The following NTSR1 variants were observed in gnomAD, a reference collection of about 807,000 sequenced individuals.
The protein encoded by NTSR1 is neurotensin receptor type 1.
In NTSR1, 29 loss-of-function variants were observed where a neutral mutation model predicts 31.2. The observed-to-expected ratio is 0.93, with a 90% CI of 0.69 to 1.27. The LOEUF (loss-of-function observed/expected upper bound fraction) is 1.27. Ranked by LOEUF, NTSR1 falls within the 50% of genes most tolerant of loss-of-function variation. The probability of loss-of-function intolerance (pLI) is 0.00; values close to 1 mark genes in which losing one functional copy is unlikely to be tolerated. For synonymous variants in NTSR1, 282 were observed against 269.9 expected, an observed-to-expected ratio of 1.04 and a Z score of -0.44; for missense variants, 697 against 595.4, an observed-to-expected ratio of 1.17 and a Z score of -1.78.
At position 62,714,165 on chromosome 20, in the gene NTSR1, G is replaced by A. The variant is rs1988670191; in HGVS notation, c.714+4244G>A. ...AGCCTGCTCCACTCTGACCTCCCGTGAGGACGGGAAGGGGACCCACGCCAC... is the reference window on the plus strand; with the variant it reads ...AGCCTGCTCCACTCTGACCTCCCGTAAGGACGGGAAGGGGACCCACGCCAC... On this transcript the variant is annotated intron_variant, in intron 1 of 3. Transcript: ENST00000370501. The surrounding 1 kb of genome is among the most constrained non-coding windows in gnomAD (Gnocchi z 4.1). Among the ~76,000 whole-genome samples, 1 of 152,222 alleles carries A rather than the reference G, an allele frequency of 6.6e-6. No homozygotes were observed. Among genetic ancestry groups the A allele is most frequent in the Non-Finnish European group, 1.5e-5 (1 of 68,036 alleles).
chr20:62,746,622 T>C (rs1470433096), intron 1 of NTSR1, among the ~76,000 whole-genome samples: 4 of 152,200 alleles, frequency 2.6e-5, no homozygotes, highest in African/African-American at 9.7e-5. Flanking sequence ...AAAAGGATCA[T>C]AATAAACTGT....
In NTSR1 at chr20:62,710,169, C is replaced by T. The variant is rs191133900; in HGVS notation, c.714+248C>T. Among the ~76,000 whole-genome samples, 202 of 152,346 alleles carry T rather than the reference C, an allele frequency of 1.3e-3. 3 individuals carry two copies. Among genetic ancestry groups the T allele is most frequent in the African/African-American group, 4.6e-3 (192 of 41,580 alleles). On this transcript the variant is annotated intron_variant, in intron 1 of 3. Coordinates refer to ENST00000370501, the MANE Select transcript of NTSR1 (RefSeq NM_002531.3). Reference sequence around the variant, plus strand: ...CTCTCTGGTGTTGGTGGCTGGGCCTCGGACATCTCTGAATTCCTTAAGCCT... The same window carrying T: ...CTCTCTGGTGTTGGTGGCTGGGCCTTGGACATCTCTGAATTCCTTAAGCCT...
rs182259194 is a variant in NTSR1 at position 62,740,382 on chromosome 20, G to A, written c.715-14303G>A. On this transcript the variant is annotated intron_variant, in intron 1 of 3. Transcript: ENST00000370501. ...GAGCGGCAGGCAGATCTTATAAGCC[G>A]CACAGGCCGGAAGGAAAAGGGTTGT... 6.2e-3 allele frequency among the ~76,000 whole-genome samples: 845 copies of A among 136,268 alleles called. 15 individuals carry two copies. Among genetic ancestry groups the A allele is most frequent in the South Asian group, 0.048 (215 of 4,464 alleles). 89.4% of individuals were successfully genotyped at this position (136,268 alleles called of 152,430 possible). A position where few individuals can be genotyped will look rare whatever the true frequency, so the allele number is the denominator to read the frequency against.
Position 62,709,413 on chromosome 20 carries a change from T to C in NTSR1, c.206T>C (p.Val69Ala). The C allele has an allele frequency of 6.2e-7, 1 of 1,611,074 alleles. No individual in the cohort carries two copies. The highest frequency in any genetic ancestry group is 8.5e-7 in the Non-Finnish European group (1 of 1,178,606). Residue 69 changes from valine (V) to alanine (A), a missense_variant, in exon 1 of 4, where the codon GTG becomes GCG. By Grantham distance (64) the Val-to-Ala change is moderately conservative (BLOSUM62 0). Transcript: ENST00000370501. ...TACTCCAAGGTGCTGGTGACCGCCG[T>C]GTACCTGGCGCTCTTCGTGGTGGGC... ...DIYSKVLVTA[V>A]YLALFVVGTV... is the part of the protein sequence containing the mutation.
rs1349592218 is a variant in NTSR1, at chr20:62,744,760, C to T, written c.715-9925C>T. 1.3e-5 allele frequency among the ~76,000 whole-genome samples: 2 copies of T among 152,014 alleles called. No homozygotes were observed. Among genetic ancestry groups the T allele is most frequent in the Non-Finnish European group, 2.9e-5 (2 of 67,984 alleles). ...AAAAAGAGAGAAATGAGCCTGAGGC[C>T]CAGGAGGACCTGCCGAGCTCACAGC... On this transcript the variant is annotated intron_variant, in intron 1 of 3. Coordinates refer to ENST00000370501, the MANE Select transcript of NTSR1 (RefSeq NM_002531.3). This position sits in a 1 kb window ranked among gnomAD's most constrained non-coding sequence, Gnocchi z 4.1.
chr20:62,759,413 G>A (rs959194750), intron 3 of NTSR1, among the ~76,000 whole-genome samples: 3 of 152,178 alleles, frequency 2.0e-5, no homozygotes, highest in East Asian at 1.9e-4. Flanking sequence ...ACAGAGCTGC[G>A]AAGGGCAATG....
In NTSR1 at chr20:62,744,713, G is replaced by T. The variant is rs147153432; in HGVS notation, c.715-9972G>T. 6.6e-6 allele frequency among the ~76,000 whole-genome samples: 1 copy of T among 151,970 alleles called. No individual in the cohort carries two copies. The highest frequency in any genetic ancestry group is 2.4e-5 in the African/African-American group (1 of 41,352). ...CTGCACTCCAGCCTGGGCAACAAGA[G>T]CAAAGCTCAGTCTCACAAAAAAAAA... On this transcript the variant is annotated intron_variant, in intron 1 of 3. Coordinates refer to ENST00000370501, the MANE Select transcript of NTSR1 (RefSeq NM_002531.3). This position sits in a 1 kb window ranked among gnomAD's most constrained non-coding sequence, Gnocchi z 4.1.
intron 1 of NTSR1, among the ~76,000 whole-genome samples, chr20:62,729,082 A>G (rs1988960083): frequency 6.6e-6 from 1 of 152,202 alleles, no homozygotes; most frequent in South Asian, 2.1e-4. Flanking sequence ...GCAGGGAGCT[A>G]AACCTGAGAC....
Position 62,721,468 on chromosome 20 carries a change from G to C in NTSR1, c.714+11547G>C, listed in dbSNP as rs112821120. On this transcript the variant is annotated intron_variant, in intron 1 of 3. Transcript: ENST00000370501. ...GGTTATGTTAGAATCCTCTGGAGAGGCAGCCCGCTTGGTCAGAGCTGCCGC... is the reference window on the plus strand; with the variant it reads ...GGTTATGTTAGAATCCTCTGGAGAGCCAGCCCGCTTGGTCAGAGCTGCCGC... Among the ~76,000 whole-genome samples the C allele has an allele frequency of 3.1e-3, 473 of 152,302 alleles. 5 individuals carry two copies. Among genetic ancestry groups the C allele is most frequent in the African/African-American group, 0.011 (446 of 41,558 alleles).
In NTSR1 at chr20:62,730,614, G is replaced by T. The variant is rs568067941; in HGVS notation, c.714+20693G>T. ...AGTAGAAATGCCAAGGAGGGCGATC[G>T]TTGGAACACGTGGTAAGGATACGTT... On this transcript the variant is annotated intron_variant, in intron 1 of 3. Transcript: ENST00000370501. 5.9e-5 allele frequency among the ~76,000 whole-genome samples: 9 copies of T among 152,360 alleles called. No individual in the cohort carries two copies. In the East Asian group the frequency reaches 1.3e-3, roughly 23 times the overall value.
In NTSR1 at chr20:62,732,102, AGAGT is replaced by A. The variant is rs988211099; in HGVS notation, c.714+22185_714+22188del. Among the ~76,000 whole-genome samples, 2 of 142,278 alleles carry A rather than the reference AGAGT, an allele frequency of 1.4e-5. No homozygotes were observed. The highest frequency in any genetic ancestry group is 3.0e-5 in the Non-Finnish European group (2 of 65,580). 93.3% of individuals were successfully genotyped at this position (142,278 alleles called of 152,430 possible). ...GTCACCATACTCCAGCCTGGGCGAC[AGAGT>A]GAGACTCCATTTCAAAAAAAAAAAA... On this transcript the variant is annotated intron_variant, in intron 1 of 3. Transcript: ENST00000370501. The surrounding 1 kb of genome is among the most constrained non-coding windows in gnomAD (Gnocchi z 4.0).
chr20:62,728,611 C>T (rs965896745), intron 1 of NTSR1, among the ~76,000 whole-genome samples: 7 of 152,192 alleles, frequency 4.6e-5, no homozygotes, highest in African/African-American at 7.2e-5. Flanking sequence ...GGCTGGGCCA[C>T]GGTGTCTGCG....
intron 1 of NTSR1, among the ~76,000 whole-genome samples, chr20:62,739,969 C>T (rs1423393079): frequency 2.6e-5 from 4 of 152,248 alleles, no homozygotes; most frequent in Non-Finnish European, 5.9e-5. Flanking sequence ...GGCCCCTGGC[C>T]GCACCGCCTC....
intron 1 of NTSR1, among the ~76,000 whole-genome samples, chr20:62,746,907 A>C (rs1989310106): frequency 6.6e-6 from 1 of 152,240 alleles, no homozygotes; most frequent in African/African-American, 2.4e-5. Flanking sequence ...ACACTTTCTA[A>C]CTCATCTTAC....
chr20:62,708,945 C>G lies in NTSR1; in HGVS notation c.-263C>G. 2.5e-6 allele frequency: 1 copy of G among 398,904 alleles called. No homozygotes were observed. The allele number at this position is 398,904 out of a possible 1,614,324, so 24.7% of individuals were successfully genotyped here. A position where few individuals can be genotyped will look rare whatever the true frequency, so the allele number is the denominator to read the frequency against. On this transcript the variant is annotated 5_prime_UTR_variant, in exon 1 of 4. Coordinates refer to ENST00000370501, the MANE Select transcript of NTSR1 (RefSeq NM_002531.3). This position sits in a 1 kb window ranked among gnomAD's most constrained non-coding sequence, Gnocchi z 5.9. ...CCTGGAACCCGTGGCAAGCGCCGAGCCGGGAGACAGCCCGAGGAACCACGG... is the reference window on the plus strand; with the variant it reads ...CCTGGAACCCGTGGCAAGCGCCGAGGCGGGAGACAGCCCGAGGAACCACGG...
In NTSR1 at chr20:62,740,893, G is replaced by A. The variant is rs550086149; in HGVS notation, c.715-13792G>A. 4.6e-5 allele frequency among the ~76,000 whole-genome samples: 7 copies of A among 152,338 alleles called. No individual in the cohort carries two copies. In the South Asian group the frequency reaches 1.4e-3, roughly 32 times the overall value. ...CAGCCCGCAGCCTCAACCGCTGGCT[G>A]TCACCTGCCGCTGCCTGTGATTTAC... On this transcript the variant is annotated intron_variant, in intron 1 of 3. Transcript: ENST00000370501.
chr20:62,709,188 C>A lies in NTSR1; in HGVS notation c.-20C>A. ...CAGCCCCGGAGGCGCCGGACAGAGC[C>A]GCGGACTCCAGCGCCCACCATGCGC... On this transcript the variant is annotated 5_prime_UTR_variant, in exon 1 of 4. Coordinates refer to ENST00000370501, the MANE Select transcript of NTSR1 (RefSeq NM_002531.3). 11 of 1,404,742 alleles carry A rather than the reference C, an allele frequency of 7.8e-6. No homozygotes were observed. The highest frequency in any genetic ancestry group is 1.0e-5 in the Non-Finnish European group (11 of 1,087,340). The allele number at this position is 1,404,742 out of a possible 1,614,324, so 87.0% of individuals were successfully genotyped here.
intron 1 of NTSR1, among the ~76,000 whole-genome samples, chr20:62,730,755 C>T (rs373846860): frequency 6.3e-4 from 96 of 152,298 alleles, no homozygotes; most frequent in Middle Eastern, 6.8e-3. Flanking sequence ...CGTTTGGTGT[C>T]GTCAGGATCT....
At chr20:62,713,302 G>A (rs1276273407) in intron 1 of NTSR1, among the ~76,000 whole-genome samples, 2 of 152,164 alleles carry the variant, frequency 1.3e-5, no homozygotes, top group Non-Finnish European at 2.9e-5. Context: ...AACTCAGAGG[G>A]CACCTGCTCC....
Sources: allele counts gnomAD v4.1 joint callset (sites outside exome capture counted in the v4.1 genomes callset), GRCh38; gene constraint gnomAD v4.1.1; non-coding constraint Gnocchi (gnomAD v3.1); transcripts MANE v1.5; gene names NCBI Gene and HGNC (gene_info 2026-07-23, HGNC 2026-07-21).